The following UNC5B variants were observed in gnomAD, a reference collection of about 807,000 sequenced individuals.
The protein encoded by UNC5B is netrin receptor UNC5B.
Under a neutral mutation model 103.7 loss-of-function variants are expected in UNC5B, and 56 were observed. The ratio of observed to expected loss-of-function variants is 0.54; its 90% CI spans 0.44 to 0.67. UNC5B has a LOEUF of 0.67. UNC5B is among the 30% of genes least tolerant of loss of function. UNC5B has a pLI of 0.00. For synonymous variants in UNC5B, 577 were observed against 542.0 expected (o/e 1.06, Z -0.90); for missense variants, 1,194 against 1,284.5 (o/e 0.93, Z 1.08).
rs1265513259 is a variant in UNC5B, at chr10:71,279,852, C to A, written c.111C>A (p.Asp37Glu). The A allele has an allele frequency of 6.2e-7, 1 of 1,613,712 alleles. No individual in the cohort carries two copies. Among genetic ancestry groups the A allele is most frequent in the African/African-American group, 1.3e-5 (1 of 74,938 alleles). The change falls in exon 2 of 17, where the codon GAC becomes GAA. Residue 37 changes from aspartate (D) to glutamate (E), a missense_variant. Physicochemically the swap from Asp to Glu is conservative, Grantham distance 45 (BLOSUM62 2). Coordinates refer to ENST00000335350, the MANE Select transcript of UNC5B (RefSeq NM_170744.5). ...GTDSGSEVLP[D>E]SFPSAPAEPL... is the part of the protein sequence containing the mutation. The stretch of plus-strand genomic sequence containing the variant: ...ATTCTGGCAGCGAGGTGCTCCCTGA[C>A]TCCTTCCCGTCAGCGCCAGCAGAGC...
chr10:71,226,491 T>G (rs1397283155), intron 1 of UNC5B, among the ~76,000 whole-genome samples: 1 of 152,248 alleles, frequency 6.6e-6, no homozygotes, highest in Admixed American at 6.5e-5. Flanking sequence ...GCTGGCTGCA[T>G]GATGTTTGCC....
chr10:71,279,627 G>T (rs1296953634), intron 1 of UNC5B, among the ~76,000 whole-genome samples, 194 bp from the exon 2 acceptor site: 2 of 152,244 alleles, frequency 1.3e-5, no homozygotes, highest in African/African-American at 4.8e-5. Context: ...TAAAAGCAGG[G>T]CAAGATGGGA....
intron 1 of UNC5B, among the ~76,000 whole-genome samples, chr10:71,232,337 T>C (rs1843700259): frequency 2.0e-5 from 3 of 152,264 alleles, no homozygotes; most frequent in African/African-American, 4.8e-5. Context: ...GTATGTGTTA[T>C]ATGAGAAGTA....
At chr10:71,284,909 A>C (rs1845031061) in intron 3 of UNC5B, 46 bp downstream of exon 3, 2 of 1,540,018 alleles carry the variant, frequency 1.3e-6, no homozygotes, top group South Asian at 1.2e-5. Context: ...AACCTTCCCC[A>C]TCCCTGAGGA....
intron 1 of UNC5B, among the ~76,000 whole-genome samples, chr10:71,238,666 G>A (rs1445197880): frequency 6.6e-6 from 1 of 152,070 alleles, no homozygotes; most frequent in Non-Finnish European, 1.5e-5. Context: ...TCTTGGCCAG[G>A]CTGGTCTTGA....
Position 71,301,846 on chromosome 10 carries a change from G to C in UNC5B, c.*2569G>C, listed in dbSNP as rs1254119462. 6 of 152,320 alleles carry C rather than the reference G, an allele frequency of 3.9e-5. No homozygotes were observed. In the East Asian group the frequency reaches 1.2e-3, roughly 29 times the overall value. 9.4% of individuals were successfully genotyped at this position (152,320 alleles called of 1,614,324 possible). ...CACACTGTTCTAGGCTTCTGTAGGG[G>C]ACCTTGTGATCTGCCGTGCCCCTCC... On this transcript the variant is annotated 3_prime_UTR_variant, in exon 17 of 17. Transcript: ENST00000335350.
chr10:71,289,791 C>G (rs1446859898), intron 8 of UNC5B, among the ~76,000 whole-genome samples: 2 of 152,178 alleles, frequency 1.3e-5, no homozygotes, highest in Non-Finnish European at 2.9e-5. Context: ...CTGGGGAGCC[C>G]AAGAGTGAGG....
chr10:71,283,080 G>A (rs1026915117), intron 2 of UNC5B, among the ~76,000 whole-genome samples: 59 of 151,826 alleles, frequency 3.9e-4, no homozygotes, highest in Admixed American at 9.2e-4. Context: ...AGATTGCGCC[G>A]CTGCACTCCA....
chr10:71,213,629 G>A lies in UNC5B; in HGVS notation c.79+565G>A, dbSNP rs150624684. ...CCTGAAGCGGGGAGGGCTAAGTCTT[G>A]CACACATAGCTTTCCCCGAGATCGC... On this transcript the variant is annotated intron_variant, in intron 1 of 16. Transcript: ENST00000335350. The surrounding 1 kb of genome is among the most constrained non-coding windows in gnomAD (Gnocchi z 4.1). Among the ~76,000 whole-genome samples the A allele has an allele frequency of 0.02, 3,095 of 151,652 alleles. 105 individuals carry two copies. The highest frequency in any genetic ancestry group is 0.071 in the African/African-American group (2,922 of 41,296).
intron 1 of UNC5B, among the ~76,000 whole-genome samples, chr10:71,232,507 C>T (rs966316539): frequency 6.6e-6 from 1 of 152,276 alleles, no homozygotes; most frequent in Non-Finnish European, 1.5e-5. Context: ...CTTGGCTCAG[C>T]ACGGGGCTGG....
In UNC5B at chr10:71,297,852, C is replaced by CAT; in HGVS notation, c.2491-57_2491-56insAT. On this transcript the variant is annotated intron_variant, in intron 15 of 16. Transcript: ENST00000335350. The stretch of plus-strand genomic sequence containing the variant: ...AGCTCACAGTCCAAGGGGAGGGAGG[C>CAT]TGGAGGGCAGATGCCCAGCACTGTG... 3 of 1,538,282 alleles carry CAT rather than the reference C, an allele frequency of 2.0e-6. No homozygotes were observed. The South Asian group carries it at 3.7e-5, about 19-fold the overall frequency.
chr10:71,226,408 A>T (rs1354078708), intron 1 of UNC5B, among the ~76,000 whole-genome samples: 1 of 152,220 alleles, frequency 6.6e-6, no homozygotes, highest in Non-Finnish European at 1.5e-5. Flanking sequence ...TAACAGCCAG[A>T]TAACACCACC....
rs541146746 is a variant in UNC5B at position 71,287,512 on chromosome 10, G to A, written c.734-86G>A. 369 of 1,481,324 alleles carry A rather than the reference G, an allele frequency of 2.5e-4. 2 individuals carry two copies. The highest frequency in any genetic ancestry group is 1.8e-3 in the South Asian group (134 of 73,604). The allele number at this position is 1,481,324 out of a possible 1,614,324, so 91.8% of individuals were successfully genotyped here. On this transcript the variant is annotated intron_variant, in intron 5 of 16. Coordinates refer to ENST00000335350, the MANE Select transcript of UNC5B (RefSeq NM_170744.5). ...CTAGGAAGGCCAGGCTTCAGCAGAG[G>A]GGCCTCGTCAGGGTGAGGGACGGGT...
At chr10:71,284,214 G>T (rs1845004109) in intron 2 of UNC5B, among the ~76,000 whole-genome samples, 1 of 152,124 alleles carries the variant, frequency 6.6e-6, no homozygotes, top group Admixed American at 6.5e-5. Flanking sequence ...CCGAAATCTG[G>T]CAGGGACTGG....
intron 1 of UNC5B, among the ~76,000 whole-genome samples, chr10:71,276,883 AG>A (rs1303201562): frequency 1.9e-5 from 1 of 54,022 alleles, no homozygotes; most frequent in Non-Finnish European, 6.5e-5. Context: ...CCTAGGGTAT[AG>A]GGACAGCAAG....
chr10:71,294,966 C>T (rs1845369000), intron 13 of UNC5B, among the ~76,000 whole-genome samples: 1 of 152,170 alleles, frequency 6.6e-6, no homozygotes, highest in Non-Finnish European at 1.5e-5. Context: ...TGAGCCCCTT[C>T]CCCTCCCTCC....
intron 11 of UNC5B, among the ~76,000 whole-genome samples, chr10:71,292,986 A>G (rs1845305546): frequency 6.6e-6 from 1 of 152,168 alleles, no homozygotes; most frequent in Non-Finnish European, 1.5e-5. Context: ...AATTATTATT[A>G]TTAAGGAATT....
intron 1 of UNC5B, among the ~76,000 whole-genome samples, chr10:71,255,078 A>G (rs1323881338): frequency 6.6e-6 from 1 of 152,188 alleles, no homozygotes; most frequent in African/African-American, 2.4e-5. Context: ...TCTACACTTA[A>G]CATTATTCCA....
chr10:71,232,083 T>C (rs1001781001), intron 1 of UNC5B, among the ~76,000 whole-genome samples: 4 of 152,234 alleles, frequency 2.6e-5, no homozygotes, highest in African/African-American at 7.2e-5. Context: ...CCTGCAAAGA[T>C]GAAGAAAGGG....
Sources: gnomAD v4.1 joint callset for allele counts (sites outside exome capture counted in the v4.1 genomes callset) on GRCh38, gnomAD v4.1.1 for gene constraint, Gnocchi (gnomAD v3.1) non-coding constraint, MANE v1.5 for transcripts, NCBI Gene and HGNC (gene_info 2026-07-23, HGNC 2026-07-21) for gene names.